Variants in ANKS1A observed in about 807,000 individuals in gnomAD.
The protein encoded by ANKS1A is ankyrin repeat and sterile alpha motif domain containing 1A.
In ANKS1A, 55 loss-of-function variants were observed where a neutral mutation model predicts 120.3. That is an observed-to-expected ratio of 0.46 (90% CI 0.37 to 0.57). The LOEUF is 0.57. ANKS1A is among the 20% of genes least tolerant of loss of function. ANKS1A has a pLI of 0.00. For missense variants in ANKS1A, 1,123 were observed against 1,480.3 expected (o/e 0.76, Z 3.96); for synonymous variants, 590 against 604.7 (o/e 0.98, Z 0.36).
At chr6:34,973,706 T>C (rs117110790) in intron 3 of ANKS1A, among the ~76,000 whole-genome samples, 1 of 152,308 alleles carries the variant, frequency 6.6e-6, no homozygotes, top group East Asian at 1.9e-4. Context: ...AAGCCCCCTA[T>C]GGGCTGGACC....
chr6:35,005,790 T>A lies in ANKS1A; in HGVS notation c.1423+11368T>A, dbSNP rs184875852. 1.4e-3 allele frequency: 609 copies of A among 447,354 alleles called. 1 individual carries two copies. Among genetic ancestry groups the A allele is most frequent in the Admixed American group, 3.9e-3 (159 of 40,788 alleles). The allele number at this position is 447,354 out of a possible 1,614,324, so 27.7% of individuals were successfully genotyped here. A position where few individuals can be genotyped will look rare whatever the true frequency, so the allele number is the denominator to read the frequency against. Reference sequence around the variant, plus strand: ...ATTGTTGGCCGGGCATGGTGGCTCATGCCTGTAATCCCAGCACTTTGGGAC... The same window carrying A: ...ATTGTTGGCCGGGCATGGTGGCTCAAGCCTGTAATCCCAGCACTTTGGGAC... On this transcript the variant is annotated intron_variant, in intron 10 of 23. Transcript: ENST00000360359.
intron 1 of ANKS1A, among the ~76,000 whole-genome samples, chr6:34,941,683 C>T (rs1034087508): frequency 1.1e-4 from 17 of 152,162 alleles, no homozygotes; most frequent in African/African-American, 4.1e-4. Context: ...TTAATGGGAA[C>T]ATTGGATTCT....
chr6:35,087,854 G>T (rs1778076687), intron 23 of ANKS1A, among the ~76,000 whole-genome samples: 1 of 152,212 alleles, frequency 6.6e-6, no homozygotes, highest in African/African-American at 2.4e-5. Flanking sequence ...CAAGGAGGTG[G>T]GTGGCATGTG....
At chr6:34,998,712 G>A (rs886388391) in intron 10 of ANKS1A, among the ~76,000 whole-genome samples, 6 of 152,250 alleles carry the variant, frequency 3.9e-5, no homozygotes, top group Admixed American at 1.3e-4. Flanking sequence ...AAAGGGACAG[G>A]AATTGCTCAC....
chr6:34,981,855 C>T lies in ANKS1A; in HGVS notation c.601C>T (p.Leu201Phe), dbSNP rs774170415. ...CGGGCGACTGGAGGTGGTGAAAATG[C>T]TCCTTAATGCACACCCCAACCTCCT... ...LYGRLEVVKM[L>F]LNAHPNLLSC... Residue 201 changes from leucine (L) to phenylalanine (F), a missense_variant, in exon 4 of 24, where the codon CTC (leucine) becomes TTC (phenylalanine). Transcript: ENST00000360359. The T allele has an allele frequency of 6.2e-7, 1 of 1,614,130 alleles. No homozygotes were observed. Among genetic ancestry groups the T allele is most frequent in the South Asian group, 1.1e-5 (1 of 91,080 alleles).
At chr6:35,070,866 T>A in intron 13 of ANKS1A, 1 of 623,880 alleles carries the variant, frequency 1.6e-6, no homozygotes, top group Non-Finnish European at 3.0e-6. Context: ...GATTTATTTC[T>A]TCATTTCTTG....
chr6:35,046,273 G>A (rs1775716859), intron 11 of ANKS1A, among the ~76,000 whole-genome samples: 1 of 152,184 alleles, frequency 6.6e-6, no homozygotes, highest in African/African-American at 2.4e-5. Flanking sequence ...CACAGAAGCT[G>A]TGCTGAGAGC....
rs1561889412 is a variant in ANKS1A at position 34,982,747 on chromosome 6, TCCAGACGGAGA to T, written c.733-4_739del. On this transcript the variant is annotated splice_acceptor_variant and splice_polypyrimidine_tract_variant and coding_sequence_variant and intron_variant, in exon 5 of 24. Coordinates refer to ENST00000360359, the MANE Select transcript of ANKS1A (RefSeq NM_015245.3). LOFTEE classifies it high-confidence loss of function. The surrounding 1 kb of genome is among the most constrained non-coding windows in gnomAD (Gnocchi z 4.9). ...TCCCGCTCTGCGCTCTCGTTTGCTT[TCCAGACGGAGA>T]TGGGCAGTGCTTTGCATGAGGCTGC... 3.7e-6 allele frequency: 6 copies of T among 1,614,264 alleles called. No individual in the cohort carries two copies. Among genetic ancestry groups the T allele is most frequent in the Non-Finnish European group, 8.5e-7 (1 of 1,180,054 alleles).
chr6:34,933,111 ATCT>A (rs1769071862), intron 1 of ANKS1A, among the ~76,000 whole-genome samples: 2 of 152,166 alleles, frequency 1.3e-5, no homozygotes, highest in Non-Finnish European at 2.9e-5. Flanking sequence ...CCATTTGTGT[ATCT>A]TCTTTGGAAA....
At chr6:34,984,594 C>T (rs1772084370) in intron 7 of ANKS1A, among the ~76,000 whole-genome samples, 1 of 152,182 alleles carries the variant, frequency 6.6e-6, no homozygotes, top group South Asian at 2.1e-4. Flanking sequence ...TTTGCAGAGT[C>T]ACACATTTGG....
At position 35,081,159 on chromosome 6, in the gene ANKS1A, G is replaced by T; in HGVS notation, c.2709+1G>T. The T allele has an allele frequency of 2.5e-6, 4 of 1,607,086 alleles. No homozygotes were observed. Among genetic ancestry groups the T allele is most frequent in the Non-Finnish European group, 3.4e-6 (4 of 1,176,758 alleles). ...CCGAGCGGAGCGCTTCAGGATCCAGGTGGGGCAGGGGGAGTGGAGGTGCAG... is the reference window on the plus strand; with the variant it reads ...CCGAGCGGAGCGCTTCAGGATCCAGTTGGGGCAGGGGGAGTGGAGGTGCAG... On this transcript the variant is annotated splice_donor_variant, in intron 17 of 23. Coordinates refer to ENST00000360359, the MANE Select transcript of ANKS1A (RefSeq NM_015245.3). LOFTEE classifies it high-confidence loss of function.
At chr6:34,990,697 A>C (rs1392175409) in intron 9 of ANKS1A, among the ~76,000 whole-genome samples, 2 of 152,170 alleles carry the variant, frequency 1.3e-5, no homozygotes, top group Non-Finnish European at 2.9e-5. Context: ...ATGTGGCAAT[A>C]ACACAGTGTC....
intron 1 of ANKS1A, among the ~76,000 whole-genome samples, chr6:34,935,918 C>T (rs375183970): frequency 7.4e-4 from 112 of 150,918 alleles, no homozygotes; most frequent in African/African-American, 2.1e-3. Context: ...AAAAATTAGC[C>T]GGGCGTAGTG....
chr6:35,052,382 T>C (rs1776010547), intron 11 of ANKS1A, among the ~76,000 whole-genome samples: 1 of 151,076 alleles, frequency 6.6e-6, no homozygotes, highest in African/African-American at 2.4e-5. Flanking sequence ...GCTCAGGAGG[T>C]CAAGGTTGCA....
rs996318911 is a variant in ANKS1A, at chr6:35,044,695, C to G, written c.2011-9404C>G. On this transcript the variant is annotated intron_variant, in intron 11 of 23. Transcript: ENST00000360359. This position sits in a 1 kb window ranked among gnomAD's most constrained non-coding sequence, Gnocchi z 4.4. ...TATTGTTCACACAACATGTTCTAAACGTTCTCTGCCAAAAGGAAGCCCTTT... is the reference window on the plus strand; with the variant it reads ...TATTGTTCACACAACATGTTCTAAAGGTTCTCTGCCAAAAGGAAGCCCTTT... Among the ~76,000 whole-genome samples, 1 of 152,202 alleles carries G rather than the reference C, an allele frequency of 6.6e-6. No homozygotes were observed. Among genetic ancestry groups the G allele is most frequent in the Non-Finnish European group, 1.5e-5 (1 of 68,038 alleles).
At chr6:34,936,506 A>G in intron 1 of ANKS1A, among the ~76,000 whole-genome samples, 1 of 152,216 alleles carries the variant, frequency 6.6e-6, no homozygotes, top group East Asian at 1.9e-4. Flanking sequence ...TTCCAGGCTG[A>G]GGGAAACATG....
chr6:35,028,165 G>A (rs935615087), intron 11 of ANKS1A, among the ~76,000 whole-genome samples: 7 of 152,176 alleles, frequency 4.6e-5, no homozygotes, highest in South Asian at 2.1e-4. Flanking sequence ...TTTGGATCTA[G>A]TTATTTTCAA....
chr6:35,034,826 A>G (rs1775078472), intron 11 of ANKS1A, among the ~76,000 whole-genome samples: 1 of 152,246 alleles, frequency 6.6e-6, no homozygotes, highest in Admixed American at 6.5e-5. Flanking sequence ...GAGCCGAGTG[A>G]TGATTGATCC....
At chr6:34,942,829 C>G (rs1319776210) in intron 1 of ANKS1A, among the ~76,000 whole-genome samples, 1 of 147,336 alleles carries the variant, frequency 6.8e-6, no homozygotes, top group African/African-American at 2.5e-5. Flanking sequence ...TTTCTTTTCC[C>G]CCTCCCCTCC....
Sources: allele counts gnomAD v4.1 joint callset (sites outside exome capture counted in the v4.1 genomes callset), GRCh38; gene constraint gnomAD v4.1.1; non-coding constraint Gnocchi (gnomAD v3.1); transcripts MANE v1.5; gene names NCBI Gene and HGNC (gene_info 2026-07-23, HGNC 2026-07-21).